RNF216: variants seen among roughly 807,000 people sequenced by gnomAD.
RNF216 encodes E3 ubiquitin-protein ligase RNF216.
Under a neutral mutation model 110.8 loss-of-function variants are expected in RNF216, and 72 were observed. The ratio of observed to expected loss-of-function variants is 0.65; its 90% CI spans 0.54 to 0.79. RNF216 has a LOEUF of 0.79. Among genes scored for constraint, RNF216 ranks in the 30% least tolerant of loss-of-function variants. The pLI is 0.00. For missense variants in RNF216, 1,342 were observed against 1,141.2 expected (o/e 1.18, Z -2.54); for synonymous variants, 495 against 407.5 (o/e 1.21, Z -2.59).
chr7:5,633,435 C>G (rs1473625734), intron 15 of RNF216, among the ~76,000 whole-genome samples: 1 of 151,974 alleles, frequency 6.6e-6, no homozygotes, highest in African/African-American at 2.4e-5. Context: ...ATTAGCTGGG[C>G]CTGGTGGCGT....
intron 14 of RNF216, 86 bp from the exon 15 acceptor site, chr7:5,641,462 T>C: frequency 2.7e-6 from 3 of 1,099,834 alleles, no homozygotes; most frequent in African/African-American, 1.6e-5. Context: ...TATTTTCACA[T>C]AAAATGATCA....
intron 13 of RNF216, among the ~76,000 whole-genome samples, chr7:5,681,080 G>A (rs998465014): frequency 1.3e-5 from 2 of 152,110 alleles, no homozygotes; most frequent in African/African-American, 2.4e-5. Flanking sequence ...CAGCTCCTGT[G>A]TTCTTACCTC....
intron 13 of RNF216, among the ~76,000 whole-genome samples, chr7:5,704,375 T>G (rs1792155451): frequency 6.6e-6 from 1 of 152,240 alleles, no homozygotes; most frequent in Non-Finnish European, 1.5e-5. Context: ...TTGTGGCTCA[T>G]GTCTTAAATA....
rs76226526 is a variant in RNF216 at position 5,698,322 on chromosome 7, C to G, written c.2061+13439G>C. On this transcript the variant is annotated intron_variant, in intron 13 of 16. Coordinates refer to ENST00000389902, the MANE Select transcript of RNF216 (RefSeq NM_207111.4). ...AATGCTCTCAACACAGAACCCCAGGCTTCCTGGGAACCCAATTCATCGGTT... is the reference window on the plus strand; with the variant it reads ...AATGCTCTCAACACAGAACCCCAGGGTTCCTGGGAACCCAATTCATCGGTT... 7.2e-5 allele frequency among the ~76,000 whole-genome samples: 11 copies of G among 151,976 alleles called. No homozygotes were observed. In the East Asian group the frequency reaches 1.9e-3, roughly 27 times the overall value.
intron 3 of RNF216, among the ~76,000 whole-genome samples, chr7:5,747,746 C>CAAAAAAAAAAAAA (rs1207043505): frequency 1.4e-4 from 1 of 7,014 alleles, no homozygotes; most frequent in Non-Finnish European, 2.4e-4. Flanking sequence ...GACTCCATCT[C>CAAAAAAAAAAAAA]AAAAAAAAAA....
chr7:5,644,508 C>G (rs1216931828), intron 14 of RNF216, among the ~76,000 whole-genome samples: 1 of 151,170 alleles, frequency 6.6e-6, no homozygotes, highest in Non-Finnish European at 1.5e-5. Context: ...ATATTGTTTG[C>G]CCATTTTTTT....
chr7:5,706,742 T>G (rs1335160946), intron 13 of RNF216, among the ~76,000 whole-genome samples: 2 of 152,238 alleles, frequency 1.3e-5, no homozygotes, highest in Non-Finnish European at 2.9e-5. Flanking sequence ...GCCTTTTCAC[T>G]CTGTTGATGG....
chr7:5,682,471 G>A (rs852393), intron 13 of RNF216, among the ~76,000 whole-genome samples: 2,422 of 150,886 alleles, frequency 0.016, 33 homozygotes, highest in South Asian at 0.035. Flanking sequence ...GCAGTGGCGC[G>A]GTCTTGTCTT....
chr7:5,692,297 CTG>C (rs1485870439), intron 13 of RNF216, among the ~76,000 whole-genome samples: 1 of 152,232 alleles, frequency 6.6e-6, no homozygotes, highest in Non-Finnish European at 1.5e-5. Flanking sequence ...CAAAAGCTAA[CTG>C]TTACACATAC....
At chr7:5,736,123 GTCCCT>G (rs1794382495) in intron 5 of RNF216, among the ~76,000 whole-genome samples, 2 of 7,438 alleles carry the variant, frequency 2.7e-4, no homozygotes, top group Non-Finnish European at 3.7e-3. Flanking sequence ...CCCTCTCCCT[GTCCCT>G]GTCCCTGTCC....
In RNF216 at chr7:5,625,357, T is replaced by C. The variant is rs73676615; in HGVS notation, c.2383-1232A>G. ...GCAAGCAGTCTAATGAAAGCACATT[T>C]ATTTTCCTAGACACGGCGTCAGAGC... is the stretch of plus-strand genomic sequence containing the variant. On this transcript the variant is annotated intron_variant, in intron 15 of 16. Coordinates refer to ENST00000389902, the MANE Select transcript of RNF216 (RefSeq NM_207111.4). Among the ~76,000 whole-genome samples, 174 of 152,372 alleles carry C rather than the reference T, an allele frequency of 1.1e-3. 1 individual carries two copies. Among genetic ancestry groups the C allele is most frequent in the African/African-American group, 4.1e-3 (171 of 41,594 alleles).
rs939615331 is a variant in RNF216 at position 5,710,585 on chromosome 7, T to G, written c.2061+1176A>C. Among the ~76,000 whole-genome samples, 3 of 152,194 alleles carry G rather than the reference T, an allele frequency of 2.0e-5. No individual in the cohort carries two copies. The East Asian group carries it at 5.8e-4, about 29-fold the overall frequency. On this transcript the variant is annotated intron_variant, in intron 13 of 16. Coordinates refer to ENST00000389902, the MANE Select transcript of RNF216 (RefSeq NM_207111.4). Reference sequence around the variant, plus strand: ...GGACTACTCAATAGGCAAGTAGACTTTCCTTATATTTTATCTCTCCCCACC... The same window carrying G: ...GGACTACTCAATAGGCAAGTAGACTGTCCTTATATTTTATCTCTCCCCACC...
chr7:5,758,880 T>C (rs572844513), intron 2 of RNF216, among the ~76,000 whole-genome samples: 12 of 152,132 alleles, frequency 7.9e-5, no homozygotes, highest in Non-Finnish European at 1.2e-4. Context: ...CGCAATTGTA[T>C]TTAGCAATGT....
chr7:5,646,629 G>A (rs959906166), intron 14 of RNF216, among the ~76,000 whole-genome samples: 15 of 151,760 alleles, frequency 9.9e-5, no homozygotes, highest in Non-Finnish European at 1.5e-4. Context: ...GGAGGCGGAG[G>A]TTGCAGTGAG....
Position 5,638,503 on chromosome 7 carries a change from T to G in RNF216, c.2382+2651A>C, listed in dbSNP as rs943078303. On this transcript the variant is annotated intron_variant, in intron 15 of 16. Coordinates refer to ENST00000389902, the MANE Select transcript of RNF216 (RefSeq NM_207111.4). ...AACTGCCCACTATGCCCAATTACAG[T>G]GTAGCAGATGCCAACAAATCTGAAA... Among the ~76,000 whole-genome samples, 3 of 152,166 alleles carry G rather than the reference T, an allele frequency of 2.0e-5. No homozygotes were observed. The South Asian group carries it at 6.2e-4, about 31-fold the overall frequency.
At chr7:5,777,912 G>C (rs1353115831) in intron 1 of RNF216, among the ~76,000 whole-genome samples, 2 of 152,164 alleles carry the variant, frequency 1.3e-5, no homozygotes, top group East Asian at 3.8e-4. Flanking sequence ...ATGAAAATTA[G>C]TTTAGAAACT....
At chr7:5,636,342 G>T (rs531930119) in intron 15 of RNF216, among the ~76,000 whole-genome samples, 16 of 152,268 alleles carry the variant, frequency 1.1e-4, no homozygotes, top group Admixed American at 1.0e-3. Context: ...ACTCTTAGTT[G>T]AATGCTTTTG....
intron 13 of RNF216, among the ~76,000 whole-genome samples, chr7:5,687,120 G>A (rs2128610088): frequency 6.6e-6 from 1 of 152,310 alleles, no homozygotes; most frequent in African/African-American, 2.4e-5. Context: ...GGAAGACCAG[G>A]TACGGTGGCT....
chr7:5,640,553 T>C (rs1049306095), intron 15 of RNF216, among the ~76,000 whole-genome samples: 6 of 152,224 alleles, frequency 3.9e-5, no homozygotes, highest in African/African-American at 1.4e-4. Context: ...TTGCCAGCCT[T>C]GCTCCTCCTC....
Sources: allele counts gnomAD v4.1 joint callset (sites outside exome capture counted in the v4.1 genomes callset), GRCh38; gene constraint gnomAD v4.1.1; transcripts MANE v1.5; gene names NCBI Gene and HGNC (gene_info 2026-07-23, HGNC 2026-07-21).